TFAP2D: variants seen among roughly 807,000 people sequenced by gnomAD.
The protein encoded by TFAP2D is transcription factor AP-2 delta, also known as transcription factor AP-2-delta.
In TFAP2D, 9 loss-of-function variants were observed where a neutral mutation model predicts 43.6. The ratio of observed to expected loss-of-function variants is 0.21; its 90% CI spans 0.12 to 0.36. The LOEUF is 0.36. TFAP2D is among the 10% of genes least tolerant of loss of function. The pLI is 1.00. For synonymous variants in TFAP2D, 256 were observed against 224.9 expected, an observed-to-expected ratio of 1.14 and a Z score of -1.24; for missense variants, 513 against 561.4, an observed-to-expected ratio of 0.91 and a Z score of 0.87.
intron 2 of TFAP2D, among the ~76,000 whole-genome samples, chr6:50,716,944 G>A: frequency 6.6e-6 from 1 of 152,114 alleles, no homozygotes. Context: ...CAGTAAGACC[G>A]GTGCACAAGA....
intron 3 of TFAP2D, among the ~76,000 whole-genome samples, chr6:50,722,430 G>A (rs1168375534): frequency 6.6e-6 from 1 of 152,058 alleles, no homozygotes; most frequent in Non-Finnish European, 1.5e-5. Context: ...GTTTCAAAAG[G>A]CATCTCTTGA....
chr6:50,723,502 G>C (rs900062249), intron 3 of TFAP2D, among the ~76,000 whole-genome samples: 1 of 152,138 alleles, frequency 6.6e-6, no homozygotes, highest in Non-Finnish European at 1.5e-5. Flanking sequence ...CACTACTCTC[G>C]CTAGCCAAAA....
At chr6:50,753,135 G>A (rs1782123353) in intron 7 of TFAP2D, among the ~76,000 whole-genome samples, 2 of 151,854 alleles carry the variant, frequency 1.3e-5, no homozygotes, top group African/African-American at 4.8e-5. Context: ...GATCAACTCA[G>A]AACTTAATTT....
At chr6:50,764,925 CA>C (rs1230931410) in intron 7 of TFAP2D, among the ~76,000 whole-genome samples, 6 of 152,068 alleles carry the variant, frequency 3.9e-5, no homozygotes, top group Admixed American at 3.3e-4. Flanking sequence ...TGTGTGGTGA[CA>C]ACACTTAAGA....
intron 7 of TFAP2D, among the ~76,000 whole-genome samples, chr6:50,766,701 G>A (rs1456182954): frequency 1.0e-4 from 10 of 96,980 alleles, no homozygotes; most frequent in East Asian, 8.3e-4. Context: ...TCGCTCTGTC[G>A]CCCAGGCCGG....
intron 7 of TFAP2D, among the ~76,000 whole-genome samples, chr6:50,756,261 C>G (rs1769264103): frequency 2.0e-5 from 3 of 152,040 alleles, no homozygotes. Context: ...GGAGACATAT[C>G]ACATCTGACT....
intron 3 of TFAP2D, among the ~76,000 whole-genome samples, chr6:50,722,289 T>A (rs1367714400): frequency 6.6e-6 from 1 of 152,206 alleles, no homozygotes; most frequent in Non-Finnish European, 1.5e-5. Context: ...TGCTCGCGTA[T>A]CGATAGCTTC....
intron 6 of TFAP2D, among the ~76,000 whole-genome samples, chr6:50,749,020 A>C (rs1327289035): frequency 6.6e-6 from 1 of 151,836 alleles, no homozygotes; most frequent in Admixed American, 6.6e-5. Context: ...AAAATTAAAT[A>C]AGAAGGAAAG....
chr6:50,740,645 G>A (rs1157567547), intron 5 of TFAP2D, among the ~76,000 whole-genome samples: 2 of 152,014 alleles, frequency 1.3e-5, no homozygotes, highest in African/African-American at 4.8e-5. Flanking sequence ...CACCATCTTG[G>A]CCAGGCTGGT....
At chr6:50,769,383 G>C (rs1283907744) in intron 7 of TFAP2D, among the ~76,000 whole-genome samples, 2 of 152,204 alleles carry the variant, frequency 1.3e-5, no homozygotes, top group Non-Finnish European at 2.9e-5. Context: ...GTCAAAGCCA[G>C]TGTGAGGACT....
chr6:50,753,593 C>T (rs996845484), intron 7 of TFAP2D, among the ~76,000 whole-genome samples: 12 of 146,246 alleles, frequency 8.2e-5, no homozygotes, highest in Non-Finnish European at 1.5e-5. Flanking sequence ...AATGGCCACC[C>T]TCACCCCTAG....
At chr6:50,753,656 T>C (rs1332681046) in intron 7 of TFAP2D, among the ~76,000 whole-genome samples, 1 of 151,932 alleles carries the variant, frequency 6.6e-6, no homozygotes, top group Non-Finnish European at 1.5e-5. Context: ...AGATTATATA[T>C]GGCTTCAGTT....
chr6:50,746,363 G>A (rs1219684696), intron 6 of TFAP2D, among the ~76,000 whole-genome samples: 1 of 151,712 alleles, frequency 6.6e-6, no homozygotes, highest in African/African-American at 2.4e-5. Context: ...TCAGCCTCCC[G>A]AGTAGCTGAG....
chr6:50,728,178 C>T (rs1372282488), intron 3 of TFAP2D, among the ~76,000 whole-genome samples: 3 of 152,124 alleles, frequency 2.0e-5, no homozygotes, highest in Non-Finnish European at 4.4e-5. Flanking sequence ...ATTATAAAAA[C>T]AATATTATTG....
intron 7 of TFAP2D, among the ~76,000 whole-genome samples, chr6:50,765,641 A>G (rs1246971568): frequency 6.6e-6 from 1 of 151,724 alleles, no homozygotes; most frequent in African/African-American, 2.4e-5. Context: ...TATACTTACT[A>G]TCCATTTGTA....
chr6:50,733,816 G>A (rs1199779790), intron 5 of TFAP2D, among the ~76,000 whole-genome samples: 2 of 152,050 alleles, frequency 1.3e-5, no homozygotes, highest in African/African-American at 2.4e-5. Flanking sequence ...CCTGAGTGGT[G>A]TGCTTCCTGG....
chr6:50,743,711 A>C (rs1394487940), intron 5 of TFAP2D, among the ~76,000 whole-genome samples: 1 of 152,028 alleles, frequency 6.6e-6, no homozygotes, highest in Non-Finnish European at 1.5e-5. Context: ...TATATTTTGT[A>C]TATCTATAAA....
chr6:50,756,591 T>A (rs1056099679), intron 7 of TFAP2D, among the ~76,000 whole-genome samples: 3 of 152,048 alleles, frequency 2.0e-5, no homozygotes, highest in Non-Finnish European at 4.4e-5. Flanking sequence ...GGAAGCCGTA[T>A]GCATAGCAGT....
chr6:50,729,108 G>A (rs1039037714), intron 4 of TFAP2D, 86 bp from the exon 5 acceptor site: 8 of 1,601,616 alleles, frequency 5.0e-6, no homozygotes, highest in Non-Finnish European at 6.8e-6. Flanking sequence ...CCATCTGATA[G>A]TGTATTCCCC....
Sources: allele counts gnomAD v4.1 joint callset (sites outside exome capture counted in the v4.1 genomes callset), GRCh38; gene constraint gnomAD v4.1.1; transcripts MANE v1.5; gene names NCBI Gene and HGNC (gene_info 2026-07-23, HGNC 2026-07-21).